ITCH: variants seen among roughly 807,000 people sequenced by gnomAD.
ITCH encodes E3 ubiquitin-protein ligase Itchy homolog.
ITCH carries 28 observed loss-of-function variants against 126.8 expected under a neutral mutation model. The ratio of observed to expected loss-of-function variants is 0.22; its 90% confidence interval spans 0.16 to 0.30. The LOEUF (loss-of-function observed/expected upper bound fraction) is 0.30. Among genes scored for constraint, ITCH ranks in the 10% least tolerant of loss-of-function variants. ITCH has a pLI of 1.00. For missense variants in ITCH, 631 were observed against 1,032.4 expected, an observed-to-expected ratio of 0.61 and a Z score of 5.33; for synonymous variants, 342 against 340.0, an observed-to-expected ratio of 1.01 and a Z score of -0.06.
chr20:34,497,270 C>T (rs1266886783), intron 23 of ITCH, among the ~76,000 whole-genome samples: 1 of 152,182 alleles, frequency 6.6e-6, no homozygotes, highest in Non-Finnish European at 1.5e-5. Flanking sequence ...GCTGGGATTA[C>T]AGGCATGAGC....
chr20:34,456,204 ATATATATATATTTTTTT>A (rs1985953348), intron 12 of ITCH, among the ~76,000 whole-genome samples: 13 of 30,918 alleles, frequency 4.2e-4, no homozygotes, highest in Non-Finnish European at 5.6e-4. Context: ...ATATATATAT[ATATATATATATTTTTTT>A]TTTTTTTTTT....
At chr20:34,426,618 G>A (rs892294001) in intron 7 of ITCH, among the ~76,000 whole-genome samples, 6 of 147,404 alleles carry the variant, frequency 4.1e-5, no homozygotes, top group Non-Finnish European at 9.0e-5. Flanking sequence ...ATGCCCGGCT[G>A]TTTGTATTTT....
At chr20:34,453,376 C>G (rs1188678182) in intron 12 of ITCH, among the ~76,000 whole-genome samples, 1 of 152,084 alleles carries the variant, frequency 6.6e-6, no homozygotes, top group Non-Finnish European at 1.5e-5. Flanking sequence ...CTTTGGGAGG[C>G]CAAGGCTTGT....
intron 16 of ITCH, among the ~76,000 whole-genome samples, chr20:34,473,693 CTTT>C (rs1293702258): frequency 2.6e-5 from 4 of 152,220 alleles, no homozygotes; most frequent in Admixed American, 1.3e-4. Context: ...GATCAAACTT[CTTT>C]GATAGTGTTA....
intron 2 of ITCH, among the ~76,000 whole-genome samples, chr20:34,379,747 ACCACTCCCGG>A (rs1436112197): frequency 1.3e-5 from 2 of 151,132 alleles, no homozygotes; most frequent in African/African-American, 4.9e-5. Context: ...GGCACCCGCC[ACCACTCCCGG>A]CTAATTTCTT....
intron 23 of ITCH, among the ~76,000 whole-genome samples, chr20:34,496,937 T>C (rs951660572): frequency 6.6e-6 from 1 of 152,198 alleles, no homozygotes; most frequent in African/African-American, 2.4e-5. Context: ...CTTTCATTTT[T>C]AGCATATAGA....
At position 34,462,147 on chromosome 20, in the gene ITCH, T is replaced by C; in HGVS notation, c.1350T>C (p.Asp450=). 1 of 1,613,562 alleles carries C rather than the reference T, an allele frequency of 6.2e-7. No individual in the cohort carries two copies. The highest frequency in any genetic ancestry group is 8.5e-7 in the Non-Finnish European group (1 of 1,179,530). Residue 450 remains aspartate, a synonymous_variant, in exon 14 of 25, where the codon GAT becomes GAC. Coordinates refer to ENST00000374864, the MANE Select transcript of ITCH (RefSeq NM_031483.7). ...PEGWEMRFTV[D]GIPYFVDHNR... ...GTTGGGAAATGAGATTCACAGTGGA[T>C]GGAATTCCATATTTTGTGGACCACA...
intron 3 of ITCH, among the ~76,000 whole-genome samples, chr20:34,399,419 A>G (rs1226838128): frequency 1.3e-5 from 2 of 152,154 alleles, no homozygotes; most frequent in Non-Finnish European, 2.9e-5. Context: ...AATAAAAATA[A>G]ACAAATGTCA....
At chr20:34,439,858 T>C (rs1244023231) in intron 8 of ITCH, among the ~76,000 whole-genome samples, 1 of 152,210 alleles carries the variant, frequency 6.6e-6, no homozygotes, top group East Asian at 1.9e-4. Context: ...GGAATATTAA[T>C]AATTTCCTAT....
chr20:34,475,055 A>G (rs1600439831), intron 16 of ITCH, among the ~76,000 whole-genome samples: 1 of 144,340 alleles, frequency 6.9e-6, no homozygotes, highest in East Asian at 2.1e-4. Flanking sequence ...ATCCCAGACC[A>G]TGGGCGGCCG....
chr20:34,490,066 C>A, intron 22 of ITCH, 140 bp downstream of exon 22: 1 of 674,742 alleles, frequency 1.5e-6, no homozygotes, highest in Admixed American at 2.2e-5. Flanking sequence ...TAAATGAATA[C>A]AGATTATAAC....
At chr20:34,506,812 A>G (rs1260181859) in intron 24 of ITCH, among the ~76,000 whole-genome samples, 2 of 152,058 alleles carry the variant, frequency 1.3e-5, no homozygotes, top group Non-Finnish European at 2.9e-5. Context: ...TAAGTGTAGA[A>G]TCGTACCTTA....
chr20:34,498,517 T>C (rs1990032947), intron 23 of ITCH, among the ~76,000 whole-genome samples: 1 of 152,222 alleles, frequency 6.6e-6, no homozygotes, highest in Non-Finnish European at 1.5e-5. Flanking sequence ...TGTGCCTAAC[T>C]TGTTGAGAGT....
chr20:34,466,531 G>A (rs1388065669), intron 14 of ITCH: 2 of 448,722 alleles, frequency 4.5e-6, no homozygotes, highest in Non-Finnish European at 8.5e-6. Flanking sequence ...TTAGATATGG[G>A]AATAAATTAC....
intron 12 of ITCH, among the ~76,000 whole-genome samples, chr20:34,455,629 A>ATTT (rs71194608): frequency 6.9e-6 from 1 of 144,886 alleles, no homozygotes. Context: ...TGCCTGGCTA[A>ATTT]TTTTTTTTTT....
chr20:34,451,400 CAG>C (rs1985229105), intron 12 of ITCH, among the ~76,000 whole-genome samples: 1 of 151,800 alleles, frequency 6.6e-6, no homozygotes, highest in Non-Finnish European at 1.5e-5. Context: ...TTTGAGGCTT[CAG>C]AGAGTCGAGA....
At chr20:34,448,817 A>G (rs2146319273) in intron 11 of ITCH, among the ~76,000 whole-genome samples, 1 of 152,262 alleles carries the variant, frequency 6.6e-6, no homozygotes, top group Middle Eastern at 3.4e-3. Context: ...CATCTTATCT[A>G]GCCAAATCTT....
intron 13 of ITCH, among the ~76,000 whole-genome samples, chr20:34,458,330 T>A (rs1032733173): frequency 1.3e-5 from 2 of 152,210 alleles, no homozygotes; most frequent in African/African-American, 2.4e-5. Flanking sequence ...AATTTATTAA[T>A]AAAGAGATAT....
At chr20:34,451,324 G>T (rs1985215113) in intron 12 of ITCH, among the ~76,000 whole-genome samples, 1 of 151,870 alleles carries the variant, frequency 6.6e-6, no homozygotes, top group Non-Finnish European at 1.5e-5. Context: ...GCCAGGCATG[G>T]TGGTGCTTGC....
Sources: allele counts gnomAD v4.1 joint callset (sites outside exome capture counted in the v4.1 genomes callset), GRCh38; gene constraint gnomAD v4.1.1; transcripts MANE v1.5; gene names NCBI Gene and HGNC (gene_info 2026-07-23, HGNC 2026-07-21).